The following KIAA1217 variants were observed in gnomAD, a reference collection of about 807,000 sequenced individuals.
KIAA1217 encodes sickle tail protein homolog.
In KIAA1217, 88 loss-of-function variants were observed where a neutral mutation model predicts 163.9. The observed-to-expected ratio is 0.54, with a 90% CI of 0.45 to 0.64. The LOEUF is 0.64. Ranked by LOEUF, KIAA1217 falls within the 30% of genes least tolerant of loss-of-function variation. The probability of loss-of-function intolerance (pLI) is 0.00; values close to 1 mark genes in which losing one functional copy is unlikely to be tolerated. For missense variants in KIAA1217, 2,372 were observed against 2,475.0 expected (o/e 0.96, Z 0.88); for synonymous variants, 903 against 923.1 (o/e 0.98, Z 0.39).
At chr10:24,382,518 T>G (rs774104612) in intron 3 of KIAA1217, among the ~76,000 whole-genome samples, 3 of 151,708 alleles carry the variant, frequency 2.0e-5, no homozygotes, top group Non-Finnish European at 4.4e-5. Flanking sequence ...TTGATCAAAT[T>G]AAGATCAAAT....
chr10:24,029,873 G>A (rs1481894848), intron 2 of KIAA1217, among the ~76,000 whole-genome samples: 1 of 152,118 alleles, frequency 6.6e-6, no homozygotes, highest in Non-Finnish European at 1.5e-5. Context: ...ATTGCAATGT[G>A]GCTGTGTGAC....
At chr10:24,464,766 T>C (rs1296992862) in intron 5 of KIAA1217, among the ~76,000 whole-genome samples, 1 of 152,162 alleles carries the variant, frequency 6.6e-6, no homozygotes, top group Non-Finnish European at 1.5e-5. Flanking sequence ...ATTACAGGCG[T>C]GAGCCACATA....
At chr10:23,960,632 T>G (rs1361640675) in intron 1 of KIAA1217, among the ~76,000 whole-genome samples, 1 of 152,216 alleles carries the variant, frequency 6.6e-6, no homozygotes, top group Non-Finnish European at 1.5e-5. Flanking sequence ...GTAAAGGAAA[T>G]AGCTGAATGT....
At chr10:23,886,824 C>T (rs1268730844) in intron 1 of KIAA1217, among the ~76,000 whole-genome samples, 3 of 150,790 alleles carry the variant, frequency 2.0e-5, no homozygotes, top group Middle Eastern at 3.3e-3. Context: ...GTAGGAGCAA[C>T]CAATCTTGTT....
In KIAA1217 at chr10:24,524,879, G is replaced by A. The variant is rs2071852693; in HGVS notation, c.2898+115G>A. 1.5e-5 allele frequency: 15 copies of A among 999,240 alleles called. No individual in the cohort carries two copies. In the Admixed American group the frequency reaches 2.6e-4, roughly 17 times the overall value. The allele number at this position is 999,240 out of a possible 1,614,324, so 61.9% of individuals were successfully genotyped here. ...ATGATTGTGTATGGATCAGAGACAG[G>A]GTTTTGGAAGTGGAAGTGGGATTCA... On this transcript the variant is annotated intron_variant, in intron 13 of 20. Transcript: ENST00000376454.
chr10:23,816,362 G>A (rs1039341604), intron 1 of KIAA1217, among the ~76,000 whole-genome samples: 4 of 151,958 alleles, frequency 2.6e-5, no homozygotes, highest in African/African-American at 4.8e-5. Context: ...GTGCTATCTC[G>A]GCTCACTGCA....
chr10:23,745,100 C>T (rs1407736028), intron 1 of KIAA1217, among the ~76,000 whole-genome samples: 1 of 152,198 alleles, frequency 6.6e-6, no homozygotes, highest in Non-Finnish European at 1.5e-5. Flanking sequence ...TTAACCATCA[C>T]AGCCTCCAAA....
intron 1 of KIAA1217, among the ~76,000 whole-genome samples, chr10:23,703,507 A>G (rs1174928894): frequency 1.3e-5 from 2 of 152,196 alleles, no homozygotes; most frequent in Non-Finnish European, 2.9e-5. Flanking sequence ...GGCTCTCTGC[A>G]GGGGGAAAAA....
intron 1 of KIAA1217, among the ~76,000 whole-genome samples, chr10:23,728,387 G>C (rs1367773590): frequency 6.6e-6 from 1 of 152,074 alleles, no homozygotes; most frequent in Non-Finnish European, 1.5e-5. Flanking sequence ...TCTCATTGTG[G>C]TTTTGATTTG....
intron 1 of KIAA1217, among the ~76,000 whole-genome samples, chr10:23,985,586 T>G (rs1845937870): frequency 6.6e-6 from 1 of 152,214 alleles, no homozygotes; most frequent in African/African-American, 2.4e-5. Flanking sequence ...TCATCAACGC[T>G]GCATAGTAGA....
At chr10:24,238,619 A>T (rs764272026) in intron 2 of KIAA1217, among the ~76,000 whole-genome samples, 2 of 152,164 alleles carry the variant, frequency 1.3e-5, no homozygotes, top group Non-Finnish European at 2.9e-5. Context: ...GCACACACAC[A>T]CACACATACA....
chr10:24,194,403 C>T (rs1301269812), intron 2 of KIAA1217, among the ~76,000 whole-genome samples: 1 of 144,468 alleles, frequency 6.9e-6, no homozygotes, highest in African/African-American at 2.6e-5. Flanking sequence ...CCCAGGCAGA[C>T]CTCAACCTCC....
chr10:23,895,126 A>G (rs942366592), intron 1 of KIAA1217, among the ~76,000 whole-genome samples: 1 of 151,958 alleles, frequency 6.6e-6, no homozygotes, highest in African/African-American at 2.4e-5. Context: ...GCAACAAAAG[A>G]CAAAATTGAC....
At chr10:23,791,785 C>A (rs1835961478) in intron 1 of KIAA1217, among the ~76,000 whole-genome samples, 1 of 152,144 alleles carries the variant, frequency 6.6e-6, no homozygotes, top group South Asian at 2.1e-4. Context: ...GCATCTTGAT[C>A]CCAAAGATGA....
intron 2 of KIAA1217, among the ~76,000 whole-genome samples, chr10:24,050,486 G>A (rs1849424075): frequency 6.6e-6 from 1 of 152,134 alleles, no homozygotes; most frequent in African/African-American, 2.4e-5. Flanking sequence ...TTTTTATAAG[G>A]TGTAGGGAAG....
At chr10:24,465,820 GGATCGCC>G (rs2062883302) in intron 5 of KIAA1217, among the ~76,000 whole-genome samples, 1 of 152,126 alleles carries the variant, frequency 6.6e-6, no homozygotes, top group Non-Finnish European at 1.5e-5. Flanking sequence ...AGGTCTCTGG[GGATCGCC>G]TACCTTCTCG....
chr10:24,005,973 C>T (rs1466319249), intron 1 of KIAA1217, among the ~76,000 whole-genome samples: 1 of 151,990 alleles, frequency 6.6e-6, no homozygotes, highest in Non-Finnish European at 1.5e-5. Context: ...AAGAAACAGC[C>T]CAGAAATCAA....
At chr10:24,420,210 G>C (rs778935368) in intron 3 of KIAA1217, among the ~76,000 whole-genome samples, 2 of 152,184 alleles carry the variant, frequency 1.3e-5, no homozygotes, top group African/African-American at 2.4e-5. Context: ...ACCAGTACTT[G>C]AGGCTGTTAT....
At chr10:24,463,840 A>G (rs2062674556) in intron 5 of KIAA1217, among the ~76,000 whole-genome samples, 1 of 152,220 alleles carries the variant, frequency 6.6e-6, no homozygotes, top group Non-Finnish European at 1.5e-5. Flanking sequence ...AGGCCTAGTC[A>G]ATGAAAGGAA....
Sources: gnomAD v4.1 joint callset for allele counts (sites outside exome capture counted in the v4.1 genomes callset) on GRCh38, gnomAD v4.1.1 for gene constraint, MANE v1.5 for transcripts, NCBI Gene and HGNC (gene_info 2026-07-23, HGNC 2026-07-21) for gene names.